Variants in CTNNA3 observed in about 807,000 individuals in gnomAD.
CTNNA3 encodes the protein catenin alpha 3.
In CTNNA3, 76 loss-of-function variants were observed where a neutral mutation model predicts 95.7. The observed-to-expected ratio is 0.79, with a 90% confidence interval of 0.66 to 0.96. The LOEUF is 0.96. Ranked by LOEUF, CTNNA3 falls within the 40% of genes least tolerant of loss-of-function variation. The probability of loss-of-function intolerance (pLI) is 0.00; values close to 1 mark genes in which losing one functional copy is unlikely to be tolerated. For synonymous variants in CTNNA3, 431 were observed against 374.4 expected (o/e 1.15, Z -1.74); for missense variants, 1,191 against 1,089.8 (o/e 1.09, Z -1.31).
intron 2 of CTNNA3, among the ~76,000 whole-genome samples, chr10:67,632,165 C>CACACACAG (rs1491263572): frequency 1.4e-5 from 2 of 147,902 alleles, no homozygotes; most frequent in Admixed American, 1.4e-4. Flanking sequence ...CACACACACA[C>CACACACAG]AGTGGTAACT....
intron 9 of CTNNA3, among the ~76,000 whole-genome samples, chr10:66,745,623 T>C (rs1173045896): frequency 7.4e-6 from 1 of 135,326 alleles, no homozygotes; most frequent in East Asian, 2.3e-4. Flanking sequence ...AGAGTCTCAC[T>C]GTGTCGCCCA....
intron 1 of CTNNA3, among the ~76,000 whole-genome samples, chr10:67,668,726 G>C (rs1049353319): frequency 4.6e-5 from 7 of 151,890 alleles, no homozygotes; most frequent in Admixed American, 4.6e-4. Context: ...AAAACTTGTG[G>C]ATTGGTTATT....
intron 5 of CTNNA3, among the ~76,000 whole-genome samples, chr10:67,231,433 C>T (rs12248056): frequency 0.19 from 28,849 of 152,016 alleles, 3,229 homozygotes; most frequent in African/African-American, 0.32. Flanking sequence ...CTCACAGGGC[C>T]GGGTACTCCA....
chr10:67,162,705 TA>T (rs944051566), intron 7 of CTNNA3, among the ~76,000 whole-genome samples: 5 of 151,574 alleles, frequency 3.3e-5, no homozygotes, highest in Non-Finnish European at 7.4e-5. Context: ...TTCAATGAAA[TA>T]AAAAAGCTTC....
chr10:66,822,953 A>C (rs1397788386), intron 7 of CTNNA3, among the ~76,000 whole-genome samples: 1 of 152,188 alleles, frequency 6.6e-6, no homozygotes, highest in African/African-American at 2.4e-5. Context: ...TATGTTTTTT[A>C]ATTGAGGAAG....
intron 9 of CTNNA3, among the ~76,000 whole-genome samples, chr10:66,628,380 G>A (rs974736743): frequency 1.3e-5 from 2 of 151,982 alleles, no homozygotes; most frequent in Non-Finnish European, 2.9e-5. Context: ...ATAAAGGTAA[G>A]AATTATTGCT....
intron 11 of CTNNA3, among the ~76,000 whole-genome samples, chr10:66,516,040 A>G (rs141998939): frequency 1.4e-5 from 2 of 145,684 alleles, no homozygotes; most frequent in Non-Finnish European, 3.0e-5. Flanking sequence ...CATCACAGCT[A>G]TTCAAACTAT....
chr10:66,372,114 T>C (rs1193139134), intron 12 of CTNNA3, among the ~76,000 whole-genome samples: 2 of 152,128 alleles, frequency 1.3e-5, no homozygotes, highest in African/African-American at 4.8e-5. Context: ...GTCTGCCAGT[T>C]TTTTCTTCTT....
intron 1 of CTNNA3, among the ~76,000 whole-genome samples, chr10:67,738,242 C>T (rs903426652): frequency 3.3e-5 from 5 of 152,244 alleles, no homozygotes; most frequent in Admixed American, 2.6e-4. Flanking sequence ...GATCAGGCAG[C>T]GATATTTGCT....
intron 10 of CTNNA3, among the ~76,000 whole-genome samples, chr10:66,567,731 T>C (rs1326477635): frequency 6.6e-6 from 1 of 152,192 alleles, no homozygotes; most frequent in Non-Finnish European, 1.5e-5. Context: ...ACTAAGATAT[T>C]GTTTTCACAC....
chr10:66,465,067 T>C (rs946328728), intron 11 of CTNNA3, among the ~76,000 whole-genome samples: 1 of 152,120 alleles, frequency 6.6e-6, no homozygotes, highest in Non-Finnish European at 1.5e-5. Context: ...AACAAGAGAC[T>C]GCCTAATGAT....
At chr10:66,530,318 T>A (rs985633841) in intron 10 of CTNNA3, among the ~76,000 whole-genome samples, 1 of 152,180 alleles carries the variant, frequency 6.6e-6, no homozygotes, top group African/African-American at 2.4e-5. Context: ...AACAACCACT[T>A]AAATTGGTAA....
At chr10:66,752,776 A>G (rs1235591194) in intron 9 of CTNNA3, among the ~76,000 whole-genome samples, 1 of 152,184 alleles carries the variant, frequency 6.6e-6, no homozygotes, top group East Asian at 1.9e-4. Flanking sequence ...TATCCACTTC[A>G]GAAAGGAAGA....
intron 13 of CTNNA3, among the ~76,000 whole-genome samples, chr10:66,216,023 T>C (rs2088508308): frequency 6.6e-6 from 1 of 152,262 alleles, no homozygotes. Context: ...TCATTGTATG[T>C]GGAGGCTAAT....
chr10:67,009,777 C>A (rs927700126), intron 7 of CTNNA3, among the ~76,000 whole-genome samples: 1 of 152,106 alleles, frequency 6.6e-6, no homozygotes, highest in Non-Finnish European at 1.5e-5. Context: ...CCTCTGTCAC[C>A]AAATCTCTTA....
At chr10:66,568,386 A>G (rs1048409605) in intron 10 of CTNNA3, among the ~76,000 whole-genome samples, 1 of 152,192 alleles carries the variant, frequency 6.6e-6, no homozygotes, top group Non-Finnish European at 1.5e-5. Flanking sequence ...CTAGAGAAAT[A>G]TGAAAATAAG....
At chr10:66,408,054 C>T (rs183582047) in intron 11 of CTNNA3, among the ~76,000 whole-genome samples, 143 of 152,258 alleles carry the variant, frequency 9.4e-4, no homozygotes, top group Non-Finnish European at 1.7e-3. Flanking sequence ...AAATAACCTA[C>T]GTGCATCCTC....
chr10:67,038,709 G>A (rs1854215085), intron 7 of CTNNA3, among the ~76,000 whole-genome samples: 1 of 151,950 alleles, frequency 6.6e-6, no homozygotes, highest in Admixed American at 6.6e-5. Context: ...CAATTAACAG[G>A]GTTAACAGTC....
intron 4 of CTNNA3, among the ~76,000 whole-genome samples, 169 bp from the exon 5 acceptor site, chr10:67,522,130 A>G (rs1840006651): frequency 1.3e-5 from 2 of 152,214 alleles, no homozygotes; most frequent in Non-Finnish European, 2.9e-5. Flanking sequence ...GGACACAGAA[A>G]GAGTTATAAA....
Sources: allele counts gnomAD v4.1 joint callset (sites outside exome capture counted in the v4.1 genomes callset), GRCh38; gene constraint gnomAD v4.1.1; transcripts MANE v1.5; gene names NCBI Gene and HGNC (gene_info 2026-07-23, HGNC 2026-07-21).